The following P4HA1 variants were observed in gnomAD, a reference collection of about 807,000 sequenced individuals.
P4HA1 encodes prolyl 4-hydroxylase subunit alpha 1.
Under a neutral mutation model 72.8 loss-of-function variants are expected in P4HA1, and 24 were observed. The ratio of observed to expected loss-of-function variants is 0.33; its 90% CI spans 0.24 to 0.46. P4HA1 has a LOEUF of 0.46. Ranked by LOEUF, P4HA1 falls within the 20% of genes least tolerant of loss-of-function variation. The pLI is 1.00. For synonymous variants in P4HA1, 201 were observed against 218.8 expected (o/e 0.92, Z 0.72); for missense variants, 446 against 640.6 (o/e 0.70, Z 3.28).
rs548614498 is a variant in P4HA1 at position 73,013,532 on chromosome 10, G to T, written c.1368+692C>A. The stretch of plus-strand genomic sequence containing the variant: ...AGATTTGGAGCAGGAACCATGAGTT[G>T]AGCCCAGTCAACCTCATAACTGTTA... On this transcript the variant is annotated intron_variant, in intron 12 of 14. Coordinates refer to ENST00000394890, the MANE Select transcript of P4HA1 (RefSeq NM_001017962.3). 1.5e-4 allele frequency among the ~76,000 whole-genome samples: 23 copies of T among 152,294 alleles called. No individual in the cohort carries two copies. The South Asian group carries it at 4.8e-3, about 32-fold the overall frequency.
At chr10:73,084,377 C>T (rs1043582482) in intron 1 of P4HA1, among the ~76,000 whole-genome samples, 6 of 152,304 alleles carry the variant, frequency 3.9e-5, no homozygotes, top group Non-Finnish European at 5.9e-5. Flanking sequence ...ACTACAGCCT[C>T]GACCTCCAGG....
At chr10:73,095,113 CCAAA>C (rs1842132598) in intron 1 of P4HA1, among the ~76,000 whole-genome samples, 3 of 151,626 alleles carry the variant, frequency 2.0e-5, no homozygotes, top group Admixed American at 6.6e-5. Context: ...TGTCCCAAAA[CCAAA>C]ACTGACTATG....
intron 9 of P4HA1, among the ~76,000 whole-genome samples, chr10:73,041,462 A>C (rs1840731386): frequency 6.6e-6 from 1 of 150,746 alleles, no homozygotes; most frequent in African/African-American, 2.4e-5. Context: ...AATGGCATGA[A>C]CCCAGGAGGC....
intron 13 of P4HA1, 58 bp downstream of exon 13, chr10:73,010,911 G>C: frequency 8.5e-7 from 1 of 1,172,248 alleles, no homozygotes; most frequent in Non-Finnish European, 1.3e-6. Context: ...ATGAATACAA[G>C]TGCATCTCTT....
intron 5 of P4HA1, among the ~76,000 whole-genome samples, chr10:73,058,396 C>T (rs965137918): frequency 6.6e-6 from 1 of 152,152 alleles, no homozygotes; most frequent in Non-Finnish European, 1.5e-5. Context: ...TAAATCCTGC[C>T]TTTAGAGCAA....
intron 1 of P4HA1, among the ~76,000 whole-genome samples, chr10:73,093,123 A>T (rs943971267): frequency 8.9e-6 from 1 of 112,694 alleles, no homozygotes; most frequent in African/African-American, 4.1e-5. Context: ...CTATCTCTTA[A>T]AAAAAAAAAA....
chr10:73,086,933 C>CAAAAAAAA (rs59200288), intron 1 of P4HA1, among the ~76,000 whole-genome samples: 1 of 33,100 alleles, frequency 3.0e-5, no homozygotes, highest in Non-Finnish European at 7.7e-5. Flanking sequence ...GAGTGCATCT[C>CAAAAAAAA]AAAAAAAAAA....
In P4HA1 at chr10:73,053,521, G is replaced by A. The variant is rs1841066231; in HGVS notation, c.533C>T (p.Ala178Val). ...FELGKVAYTEADYYHTELWME... is the reference protein window; with the variant it reads ...FELGKVAYTEVDYYHTELWME... ...CCACAGTTCCGTATGGTAATAATCT[G>A]CTTCTGTATAGGCCACTTTGCCCAA... is the stretch of plus-strand genomic sequence containing the variant. The change falls in exon 6 of 15, where the codon GCA becomes GTA. Residue 178 changes from alanine to valine, a missense_variant. Ala to Val is a moderately conservative substitution (Grantham distance 64). Coordinates refer to ENST00000394890, the MANE Select transcript of P4HA1 (RefSeq NM_001017962.3). 1 of 1,613,892 alleles carries A rather than the reference G, an allele frequency of 6.2e-7. No homozygotes were observed. Among genetic ancestry groups the A allele is most frequent in the African/African-American group, 1.3e-5 (1 of 74,908 alleles).
At chr10:73,046,303 A>AC (rs1840862306) in intron 8 of P4HA1, among the ~76,000 whole-genome samples, 2 of 152,192 alleles carry the variant, frequency 1.3e-5, no homozygotes, top group South Asian at 4.1e-4. Flanking sequence ...TGTTTTAAGA[A>AC]CAAGCTGATG....
At chr10:73,095,914 T>C (rs1842154486) in intron 1 of P4HA1, among the ~76,000 whole-genome samples, 1 of 149,834 alleles carries the variant, frequency 6.7e-6, no homozygotes, top group South Asian at 2.3e-4. Flanking sequence ...GAAACATACA[T>C]CCGGGGGCCA....
intron 1 of P4HA1, among the ~76,000 whole-genome samples, chr10:73,092,960 A>T (rs1842066968): frequency 6.6e-6 from 1 of 151,776 alleles, no homozygotes; most frequent in Non-Finnish European, 1.5e-5. Context: ...CTCTACAAAA[A>T]ATTAAAAAAT....
intron 1 of P4HA1, among the ~76,000 whole-genome samples, chr10:73,096,485 C>T (rs1842168923): frequency 6.6e-6 from 1 of 151,826 alleles, no homozygotes; most frequent in African/African-American, 2.4e-5. Flanking sequence ...GTCCTGGTCC[C>T]TAGGGCGGGG....
At chr10:73,078,654 C>T (rs1416863477) in intron 1 of P4HA1, among the ~76,000 whole-genome samples, 2 of 140,870 alleles carry the variant, frequency 1.4e-5, no homozygotes, top group Non-Finnish European at 3.0e-5. Flanking sequence ...TTCTGTTGCC[C>T]AGGCTGGAGT....
At chr10:73,071,711 T>C (rs563400076) in intron 4 of P4HA1, among the ~76,000 whole-genome samples, 1 of 152,204 alleles carries the variant, frequency 6.6e-6, no homozygotes, top group Admixed American at 6.5e-5. Context: ...TGATTGCAGA[T>C]AAAGACATAA....
chr10:73,053,255 A>G, intron 6 of P4HA1, 96 bp downstream of exon 6: 1 of 1,227,662 alleles, frequency 8.1e-7, no homozygotes, highest in South Asian at 1.5e-5. Flanking sequence ...CTAAAAAGTA[A>G]GAAAATACCA....
intron 9 of P4HA1, among the ~76,000 whole-genome samples, chr10:73,037,480 C>T (rs1362038263): frequency 3.8e-5 from 5 of 132,452 alleles, no homozygotes; most frequent in East Asian, 2.2e-4. Flanking sequence ...TCTTCTAACC[C>T]GACACACACA....
chr10:73,093,927 C>T (rs1450959397), intron 1 of P4HA1, among the ~76,000 whole-genome samples: 3 of 117,266 alleles, frequency 2.6e-5, no homozygotes, highest in Admixed American at 9.7e-5. Context: ...CACACACACA[C>T]ATACTCATTT....
chr10:73,047,695 C>A (rs542304236), intron 7 of P4HA1, among the ~76,000 whole-genome samples: 103 of 152,100 alleles, frequency 6.8e-4, no homozygotes, highest in African/African-American at 2.2e-3. Context: ...AAAACAAATT[C>A]CCTTCAATCA....
At chr10:73,008,339 G>T in intron 14 of P4HA1, 47 bp from the exon 15 acceptor site, 2 of 1,167,540 alleles carry the variant, frequency 1.7e-6, no homozygotes, top group Non-Finnish European at 2.5e-6. Context: ...AATCTAATCA[G>T]TATTTAATTA....
Sources: gnomAD v4.1 joint callset for allele counts (sites outside exome capture counted in the v4.1 genomes callset) on GRCh38, gnomAD v4.1.1 for gene constraint, MANE v1.5 for transcripts, NCBI Gene and HGNC (gene_info 2026-07-23, HGNC 2026-07-21) for gene names.